The following PTPRD variants were observed in gnomAD, a reference collection of about 807,000 sequenced individuals.
PTPRD encodes the protein receptor-type tyrosine-protein phosphatase delta.
A neutral mutation model predicts 214.5 loss-of-function variants in PTPRD; 34 were observed. The ratio of observed to expected loss-of-function variants is 0.16; its 90% CI spans 0.12 to 0.21. The LOEUF is 0.21. Ranked by LOEUF, PTPRD falls within the 10% of genes least tolerant of loss-of-function variation. The pLI, the probability that PTPRD is intolerant of heterozygous loss-of-function variation, is 1.00. For missense variants in PTPRD, 2,545 were observed against 2,398.7 expected, an observed-to-expected ratio of 1.06 and a Z score of -1.27; for synonymous variants, 1,128 against 845.7, an observed-to-expected ratio of 1.33 and a Z score of -5.79.
At chr9:9,977,649 G>A (rs1174123667) in intron 4 of PTPRD, among the ~76,000 whole-genome samples, 1 of 152,112 alleles carries the variant, frequency 6.6e-6, no homozygotes, top group Non-Finnish European at 1.5e-5. Flanking sequence ...GAGTACGACT[G>A]ACGAGGACAT....
intron 43 of PTPRD, among the ~76,000 whole-genome samples, chr9:8,336,492 CT>C (rs1846882263): frequency 1.3e-5 from 1 of 74,450 alleles, no homozygotes; most frequent in African/African-American, 4.0e-5. Flanking sequence ...ATGAAAACCC[CT>C]AGAAGAAAAC....
chr9:9,880,258 T>C (rs1374776581), intron 5 of PTPRD, among the ~76,000 whole-genome samples: 4 of 152,154 alleles, frequency 2.6e-5, no homozygotes, highest in African/African-American at 9.7e-5. Flanking sequence ...TCCTCAGCCA[T>C]GTGGAACTGT....
chr9:8,942,322 A>C (rs1368020755), intron 11 of PTPRD, among the ~76,000 whole-genome samples: 4 of 152,236 alleles, frequency 2.6e-5, no homozygotes, highest in African/African-American at 9.6e-5. Context: ...AAAATAAAAA[A>C]CATGCAAGTT....
intron 12 of PTPRD, among the ~76,000 whole-genome samples, chr9:8,665,727 C>T (rs370500009): frequency 1.3e-5 from 2 of 152,198 alleles, no homozygotes; most frequent in East Asian, 3.8e-4. Context: ...AATGCCCCTG[C>T]ATGACACATA....
At chr9:8,919,836 A>ATATGTGCATGTATCATGCATACATAGATG (rs559440771) in intron 11 of PTPRD, among the ~76,000 whole-genome samples, 4 of 121,248 alleles carry the variant, frequency 3.3e-5, no homozygotes, top group Non-Finnish European at 2.0e-5. Context: ...ACATGCATAC[A>ATATGTGCATGTATCATGCATACATAGATG]TACGTGCATG....
intron 12 of PTPRD, among the ~76,000 whole-genome samples, chr9:8,711,966 C>T (rs756224128): frequency 8.5e-5 from 13 of 152,154 alleles, no homozygotes; most frequent in Non-Finnish European, 1.2e-4. Context: ...CTACATATTG[C>T]GGCAGTGTGA....
At chr9:9,852,633 T>A (rs888611696) in intron 5 of PTPRD, among the ~76,000 whole-genome samples, 53 of 152,252 alleles carry the variant, frequency 3.5e-4, no homozygotes, top group African/African-American at 1.3e-3. Context: ...ATCCTTTATA[T>A]TGTCTTTATA....
chr9:9,746,949 C>G (rs966657701), intron 6 of PTPRD, among the ~76,000 whole-genome samples: 12 of 151,606 alleles, frequency 7.9e-5, no homozygotes, highest in African/African-American at 2.9e-4. Context: ...CATTCTGAAT[C>G]TGCAAACAGT....
Position 8,504,379 on chromosome 9 carries a change from T to C in PTPRD, c.1704A>G (p.Thr568=). The change falls in exon 23 of 46, where the codon ACA becomes ACG. Residue 568 remains threonine, a synonymous_variant. Transcript: ENST00000381196. ...EEQRITIEPG[T]SYRLQGLKPN... ...GTTTCAGTCCTTGCAGCCTATATGA[T>C]GTCCCTGGCTCAATGGTAATTCGTT... The C allele has an allele frequency of 2.5e-6, 4 of 1,614,172 alleles. No homozygotes were observed. Among genetic ancestry groups the C allele is most frequent in the Non-Finnish European group, 3.4e-6 (4 of 1,180,012 alleles).
chr9:10,485,246 T>A (rs144230474), intron 2 of PTPRD, among the ~76,000 whole-genome samples: 1 of 152,092 alleles, frequency 6.6e-6, no homozygotes, highest in South Asian at 2.1e-4. Context: ...GCCAGTGCCA[T>A]GATGTTTAGG....
chr9:9,832,168 C>A (rs1026065107), intron 5 of PTPRD, among the ~76,000 whole-genome samples: 3 of 151,926 alleles, frequency 2.0e-5, no homozygotes, highest in Non-Finnish European at 4.4e-5. Context: ...ATTTTGAAGA[C>A]TATCAAGCTA....
At chr9:8,403,937 T>C (rs1216099101) in intron 36 of PTPRD, among the ~76,000 whole-genome samples, 1 of 152,170 alleles carries the variant, frequency 6.6e-6, no homozygotes, top group East Asian at 1.9e-4. Flanking sequence ...AACCCATCAC[T>C]AAAATGGGCA....
At chr9:9,101,838 C>A (rs1434633649) in intron 10 of PTPRD, among the ~76,000 whole-genome samples, 1 of 152,112 alleles carries the variant, frequency 6.6e-6, no homozygotes, top group East Asian at 1.9e-4. Context: ...TATAGAAAAT[C>A]TTATTTCAAT....
At chr9:9,745,262 C>G (rs1484610316) in intron 6 of PTPRD, among the ~76,000 whole-genome samples, 2 of 151,940 alleles carry the variant, frequency 1.3e-5, no homozygotes, top group South Asian at 2.1e-4. Flanking sequence ...AATGGGGAAA[C>G]AAAATAGCCT....
rs1564368843 is a variant in PTPRD at position 8,373,896 on chromosome 9, AT to A, written c.4661+2039del. ...TATCTATCTATCTATCTATCTATCT[AT>A]CTATCTATCTATCTATCTACCTACC... is the stretch of plus-strand genomic sequence containing the variant. On this transcript the variant is annotated intron_variant, in intron 39 of 45. Coordinates refer to ENST00000381196, the MANE Select transcript of PTPRD (RefSeq NM_002839.4). Among the ~76,000 whole-genome samples, 527 of 108,962 alleles carry A rather than the reference AT, an allele frequency of 4.8e-3. 4 individuals are homozygous for A. Among genetic ancestry groups the A allele is most frequent in the African/African-American group, 0.029 (470 of 16,366 alleles). The allele number at this position is 108,962 out of a possible 152,430, so 71.5% of individuals were successfully genotyped here.
chr9:9,946,324 G>T (rs1430761849), intron 4 of PTPRD, among the ~76,000 whole-genome samples: 1 of 152,120 alleles, frequency 6.6e-6, no homozygotes, highest in Admixed American at 6.6e-5. Context: ...AATTAATCAT[G>T]TTACAATAAG....
intron 8 of PTPRD, among the ~76,000 whole-genome samples, chr9:9,531,883 G>C (rs985385996): frequency 6.6e-6 from 1 of 151,940 alleles, no homozygotes; most frequent in African/African-American, 2.4e-5. Flanking sequence ...GGTTACAGAA[G>C]ATTGTAAGTA....
intron 5 of PTPRD, among the ~76,000 whole-genome samples, chr9:9,898,629 G>A (rs1417776825): frequency 2.0e-5 from 3 of 152,062 alleles, no homozygotes; most frequent in African/African-American, 7.2e-5. Context: ...TTGCTGCACT[G>A]AAGTGTTGTG....
At chr9:9,305,633 T>C (rs1045728134) in intron 9 of PTPRD, among the ~76,000 whole-genome samples, 92 of 151,968 alleles carry the variant, frequency 6.1e-4, no homozygotes, top group African/African-American at 2.2e-3. Flanking sequence ...CATTTGGAAA[T>C]GGAGTCATTG....
Sources: allele counts gnomAD v4.1 joint callset (sites outside exome capture counted in the v4.1 genomes callset), GRCh38; gene constraint gnomAD v4.1.1; transcripts MANE v1.5; gene names NCBI Gene and HGNC (gene_info 2026-07-23, HGNC 2026-07-21).